The following CGNL1 variants were observed in gnomAD, a reference collection of about 807,000 sequenced individuals.
CGNL1 encodes cingulin like 1, also known as cingulin-like protein 1.
In CGNL1, 132 loss-of-function variants were observed where a neutral mutation model predicts 141.2. The observed-to-expected ratio is 0.93, with a 90% CI of 0.81 to 1.08. The LOEUF is 1.08. Among genes scored for constraint, CGNL1 ranks in the 50% least tolerant of loss-of-function variants. The pLI, the probability that CGNL1 is intolerant of heterozygous loss-of-function variation, is 0.00. For missense variants in CGNL1, 1,870 were observed against 1,588.6 expected (o/e 1.18, Z -3.01); for synonymous variants, 690 against 622.1 (o/e 1.11, Z -1.63).
intron 8 of CGNL1, among the ~76,000 whole-genome samples, chr15:57,490,415 C>T (rs146005076): frequency 5.9e-5 from 9 of 152,114 alleles, no homozygotes; most frequent in Non-Finnish European, 8.8e-5. Context: ...CACACACGCA[C>T]GCACGCGTGC....
chr15:57,426,525 C>G (rs1362149228), intron 1 of CGNL1, among the ~76,000 whole-genome samples: 1 of 151,456 alleles, frequency 6.6e-6, no homozygotes, highest in African/African-American at 2.4e-5. Context: ...TGGCTCACTG[C>G]AGCCTCAACC....
intron 14 of CGNL1, 111 bp from the exon 15 acceptor site, chr15:57,543,585 C>A: frequency 1.1e-6 from 1 of 926,154 alleles, no homozygotes; most frequent in Non-Finnish European, 1.7e-6. Context: ...CTGGGTAGGG[C>A]AACCCCCTTC....
intron 1 of CGNL1, among the ~76,000 whole-genome samples, chr15:57,431,601 T>C (rs1333928269): frequency 1.3e-5 from 2 of 152,216 alleles, no homozygotes; most frequent in African/African-American, 4.8e-5. Context: ...CCTTTAGGAG[T>C]AAATGTGTTA....
At chr15:57,409,518 G>A (rs1276766603) in intron 1 of CGNL1, among the ~76,000 whole-genome samples, 6 of 152,180 alleles carry the variant, frequency 3.9e-5, no homozygotes, top group Non-Finnish European at 5.9e-5. Flanking sequence ...ATCCAATAGA[G>A]ATATGCATAT....
Position 57,442,428 on chromosome 15 carries a change from A to T in CGNL1, c.1753A>T (p.Ile585Phe). The change falls in exon 4 of 19, where the codon ATC becomes TTC. Residue 585 changes from isoleucine to phenylalanine, a missense_variant. Physicochemically the swap from Ile to Phe is conservative, Grantham distance 21. Coordinates refer to ENST00000281282, the MANE Select transcript of CGNL1 (RefSeq NM_032866.5). ...GAAAGTCAACTTGGTCTTTGAGAAA[A>T]TCCAGACCTTAAAGTCTCGAGCAGC... is the stretch of plus-strand genomic sequence containing the variant. ...KRKVNLVFEK[I>F]QTLKSRAAGS... is the part of the protein sequence containing the mutation. 1 of 1,613,882 alleles carries T rather than the reference A, an allele frequency of 6.2e-7. No individual in the cohort carries two copies. Among genetic ancestry groups the T allele is most frequent in the South Asian group, 1.1e-5 (1 of 91,072 alleles).
chr15:57,496,065 C>T (rs182500899), intron 8 of CGNL1, among the ~76,000 whole-genome samples: 2 of 152,216 alleles, frequency 1.3e-5, no homozygotes, highest in East Asian at 1.9e-4. Context: ...GAGTGAAAGA[C>T]AGGAGGAGGG....
chr15:57,382,629 A>T (rs2062436857), intron 1 of CGNL1, among the ~76,000 whole-genome samples: 1 of 152,214 alleles, frequency 6.6e-6, no homozygotes, highest in Admixed American at 6.5e-5. Flanking sequence ...TTTGGCCTCA[A>T]GAATTCTCTT....
chr15:57,392,268 C>T (rs1466878919), intron 1 of CGNL1, among the ~76,000 whole-genome samples: 1 of 152,074 alleles, frequency 6.6e-6, no homozygotes, highest in South Asian at 2.1e-4. Context: ...AAGGCCCTAA[C>T]AGGGGCATTA....
In CGNL1 at chr15:57,409,382, A is replaced by G. The variant is rs2062760643; in HGVS notation, c.-15-28603A>G. Among the ~76,000 whole-genome samples, 3 of 152,240 alleles carry G rather than the reference A, an allele frequency of 2.0e-5. No homozygotes were observed. In the South Asian group the frequency reaches 6.2e-4, roughly 32 times the overall value. ...TTTTTATGCTGAAAGCAAAAGAAGA[A>G]ACAAATCACTGAGTAATTTTTAGGC... is the stretch of plus-strand genomic sequence containing the variant. On this transcript the variant is annotated intron_variant, in intron 1 of 18. Transcript: ENST00000281282.
chr15:57,384,489 A>G (rs907678454), intron 1 of CGNL1, among the ~76,000 whole-genome samples: 5 of 152,172 alleles, frequency 3.3e-5, no homozygotes, highest in South Asian at 2.1e-4. Flanking sequence ...GCTCTGAGCT[A>G]TGCTAACAAC....
chr15:57,526,994 G>A (rs1158456845), intron 12 of CGNL1, among the ~76,000 whole-genome samples: 10 of 152,178 alleles, frequency 6.6e-5, no homozygotes, highest in Admixed American at 6.5e-4. Context: ...AATAGCTTTA[G>A]AAGGCTGATT....
chr15:57,423,777 T>C (rs1329355868), intron 1 of CGNL1, among the ~76,000 whole-genome samples: 2 of 152,300 alleles, frequency 1.3e-5, no homozygotes, highest in East Asian at 3.9e-4. Flanking sequence ...CCCTGTCTTC[T>C]TAGTGTTGGC....
intron 8 of CGNL1, among the ~76,000 whole-genome samples, chr15:57,483,196 G>C (rs2063747610): frequency 6.6e-6 from 1 of 152,124 alleles, no homozygotes; most frequent in Non-Finnish European, 1.5e-5. Context: ...CATGAACATG[G>C]TCTAAGTAAA....
intron 1 of CGNL1, among the ~76,000 whole-genome samples, chr15:57,414,722 C>A (rs566343883): frequency 2.6e-5 from 4 of 152,194 alleles, no homozygotes; most frequent in Non-Finnish European, 5.9e-5. Flanking sequence ...TTTGCTTTCA[C>A]GTCTCATCCA....
chr15:57,451,019 G>GAA lies in CGNL1; in HGVS notation c.1804-476_1804-475dup, dbSNP rs11406901. Reference sequence around the variant, plus strand: ...TAAACTGTATTCTGCCATTAAAATAGAAAAAATGACTGTCTTTACTTACAA... The same window carrying GAA: ...TAAACTGTATTCTGCCATTAAAATAGAAAAAAAATGACTGTCTTTACTTACAA... On this transcript the variant is annotated intron_variant, in intron 4 of 18. Transcript: ENST00000281282. Among the ~76,000 whole-genome samples, 123 of 152,200 alleles carry GAA rather than the reference G, an allele frequency of 8.1e-4. 2 individuals carry two copies. In the East Asian group the frequency reaches 0.021, roughly 27 times the overall value.
At chr15:57,527,593 A>C (rs1282623843) in intron 12 of CGNL1, 1 of 152,292 alleles carries the variant, frequency 6.6e-6, no homozygotes, top group Non-Finnish European at 1.5e-5. Context: ...TGGTCTCCCC[A>C]GGGAGCTTCT....
rs753695162 is a variant in CGNL1, at chr15:57,528,679, G to A, written c.3065G>A (p.Arg1022Gln). Residue 1022 changes from arginine (R) to glutamine (Q), a missense_variant, in exon 13 of 19, where the codon CGG becomes CAG. By Grantham distance (43) the Arg-to-Gln change is conservative (BLOSUM62 1). Coordinates refer to ENST00000281282, the MANE Select transcript of CGNL1 (RefSeq NM_032866.5). The part of the protein sequence containing the change: ...DEMRLMEEEL[R>Q]DYQRAQDEAL... ...ATGCGTCTGATGGAGGAAGAGTTAC[G>A]GGACTACCAGAGAGCTCAGGATGAA... The A allele has an allele frequency of 1.1e-5, 18 of 1,613,976 alleles. No individual in the cohort carries two copies. The highest frequency in any genetic ancestry group is 2.7e-5 in the African/African-American group (2 of 74,914).
intron 8 of CGNL1, among the ~76,000 whole-genome samples, chr15:57,514,128 A>C (rs2030570341): frequency 6.6e-6 from 1 of 151,214 alleles, no homozygotes; most frequent in African/African-American, 2.4e-5. Flanking sequence ...GATTTTATAT[A>C]CTGTTCGGAT....
chr15:57,444,033 A>G (rs2063222538), intron 4 of CGNL1, among the ~76,000 whole-genome samples: 3 of 152,192 alleles, frequency 2.0e-5, no homozygotes, highest in Non-Finnish European at 4.4e-5. Context: ...TTTTGCATCC[A>G]TGCAAATCTC....
Sources: allele counts gnomAD v4.1 joint callset (sites outside exome capture counted in the v4.1 genomes callset), GRCh38; gene constraint gnomAD v4.1.1; transcripts MANE v1.5; gene names NCBI Gene and HGNC (gene_info 2026-07-23, HGNC 2026-07-21).